Variants in ANKS1B observed in about 807,000 individuals in gnomAD.
ANKS1B encodes the protein ankyrin repeat and sterile alpha motif domain containing 1B, also known as ankyrin repeat and sterile alpha motif domain-containing protein 1B.
Under a neutral mutation model 148.3 loss-of-function variants are expected in ANKS1B, and 36 were observed. That is an observed-to-expected ratio of 0.24 (90% CI 0.19 to 0.32). The LOEUF is 0.32. ANKS1B is among the 10% of genes least tolerant of loss of function. The pLI is 1.00. For missense variants in ANKS1B, 1,157 were observed against 1,542.6 expected (o/e 0.75, Z 4.19); for synonymous variants, 542 against 560.8 (o/e 0.97, Z 0.47).
At chr12:99,104,194 G>C (rs1363670044) in intron 15 of ANKS1B, among the ~76,000 whole-genome samples, 2 of 152,164 alleles carry the variant, frequency 1.3e-5, no homozygotes, top group African/African-American at 4.8e-5. Context: ...CAATAGTGTA[G>C]ATGACAGATA....
At chr12:99,732,242 G>T (rs1047616104) in intron 8 of ANKS1B, among the ~76,000 whole-genome samples, 1 of 152,096 alleles carries the variant, frequency 6.6e-6, no homozygotes, top group African/African-American at 2.4e-5. Flanking sequence ...AAGCAGTTTG[G>T]CAATTTCTCC....
chr12:99,332,578 C>T (rs1337847274), intron 12 of ANKS1B, among the ~76,000 whole-genome samples: 1 of 151,410 alleles, frequency 6.6e-6, no homozygotes, highest in East Asian at 1.9e-4. Context: ...ATGCTAAAAA[C>T]GTGTACCTGG....
intron 24 of ANKS1B, among the ~76,000 whole-genome samples, chr12:98,778,317 A>C (rs924980718): frequency 1.3e-5 from 2 of 152,328 alleles, no homozygotes; most frequent in Admixed American, 6.5e-5. Flanking sequence ...CTCTACTAAA[A>C]ATACAAAAAT....
intron 9 of ANKS1B, among the ~76,000 whole-genome samples, chr12:99,509,898 G>T (rs2153024833): frequency 6.6e-6 from 1 of 152,084 alleles, no homozygotes; most frequent in African/African-American, 2.4e-5. Context: ...TGCAGTTGAT[G>T]ACTTTAAGTT....
intron 17 of ANKS1B, among the ~76,000 whole-genome samples, chr12:98,937,773 G>T (rs1409153630): frequency 3.9e-5 from 6 of 152,032 alleles, no homozygotes; most frequent in Admixed American, 3.9e-4. Flanking sequence ...TCTGAAACTG[G>T]GCAATTTATG....
At chr12:99,277,551 T>G (rs1023867288) in intron 12 of ANKS1B, among the ~76,000 whole-genome samples, 1 of 152,218 alleles carries the variant, frequency 6.6e-6, no homozygotes, top group South Asian at 2.1e-4. Flanking sequence ...ATGTTGAAGA[T>G]AGAACCAAAG....
At chr12:99,810,682 C>A (rs938686043) in intron 3 of ANKS1B, among the ~76,000 whole-genome samples, 2 of 151,878 alleles carry the variant, frequency 1.3e-5, no homozygotes, top group Non-Finnish European at 2.9e-5. Context: ...TTCAACATTA[C>A]CAAAAACAAG....
At chr12:99,431,182 A>G (rs1372086374) in intron 11 of ANKS1B, among the ~76,000 whole-genome samples, 1 of 152,238 alleles carries the variant, frequency 6.6e-6, no homozygotes, top group East Asian at 1.9e-4. Context: ...CCATTGATTT[A>G]AAACTTGTTC....
chr12:98,941,085 T>C (rs2099835961), intron 17 of ANKS1B, among the ~76,000 whole-genome samples: 1 of 152,230 alleles, frequency 6.6e-6, no homozygotes, highest in African/African-American at 2.4e-5. Flanking sequence ...GTTAGGCTCC[T>C]GCAAGCCTCT....
chr12:99,170,814 C>A (rs1426104629), intron 14 of ANKS1B, among the ~76,000 whole-genome samples: 1 of 152,158 alleles, frequency 6.6e-6, no homozygotes. Flanking sequence ...GCAGCCTGGT[C>A]TTTGCAATTT....
intron 9 of ANKS1B, among the ~76,000 whole-genome samples, chr12:99,651,582 C>G (rs1214261554): frequency 6.6e-6 from 1 of 152,114 alleles, no homozygotes; most frequent in East Asian, 1.9e-4. Flanking sequence ...TATTTTTTCT[C>G]TAAATCTTAA....
intron 17 of ANKS1B, among the ~76,000 whole-genome samples, chr12:98,895,801 G>A (rs1349868332): frequency 6.6e-6 from 1 of 152,126 alleles, no homozygotes; most frequent in African/African-American, 2.4e-5. Flanking sequence ...GTTTTTGTTT[G>A]TTTGTTTTTC....
intron 12 of ANKS1B, among the ~76,000 whole-genome samples, chr12:99,390,370 C>T (rs1012878024): frequency 2.0e-5 from 3 of 152,064 alleles, no homozygotes; most frequent in Admixed American, 6.5e-5. Flanking sequence ...AGTCAATAGA[C>T]TTAAAAATCA....
intron 22 of ANKS1B, among the ~76,000 whole-genome samples, chr12:98,796,006 G>T (rs139585968): frequency 1.0e-3 from 156 of 152,272 alleles, no homozygotes; most frequent in African/African-American, 3.1e-3. Context: ...ATTTTAGGAG[G>T]GCATGAGTAT....
intron 20 of ANKS1B, among the ~76,000 whole-genome samples, chr12:98,803,653 G>A (rs1308199760): frequency 1.3e-5 from 2 of 152,146 alleles, no homozygotes; most frequent in Admixed American, 6.5e-5. Context: ...AAAAAAGTCT[G>A]AACACGGCAT....
intron 17 of ANKS1B, among the ~76,000 whole-genome samples, chr12:99,032,984 T>C (rs1429153863): frequency 2.0e-5 from 3 of 152,256 alleles, no homozygotes; most frequent in African/African-American, 7.2e-5. Flanking sequence ...CTAGGCTTAG[T>C]ATAACTCAGG....
chr12:99,489,943 A>G (rs2096539846), intron 10 of ANKS1B, among the ~76,000 whole-genome samples: 1 of 152,222 alleles, frequency 6.6e-6, no homozygotes, highest in South Asian at 2.1e-4. Flanking sequence ...TATAAATAGA[A>G]TAGGTTCTCC....
In ANKS1B at chr12:98,759,336, T is replaced by C. The variant is rs113068293; in HGVS notation, c.3580-7814A>G. ...CCTGGTGCCAGTCCCATGCCTAGCC[T>C]ATAGACAATGTCCAGGAAGTGATCA... On this transcript the variant is annotated intron_variant, in intron 25 of 26. Coordinates refer to ENST00000683438, the MANE Select transcript of ANKS1B (RefSeq NM_001352186.2). Among the ~76,000 whole-genome samples the C allele has an allele frequency of 4.7e-3, 722 of 152,260 alleles. 8 individuals carry two copies. Among genetic ancestry groups the C allele is most frequent in the African/African-American group, 0.016 (656 of 41,554 alleles).
At chr12:99,942,516 C>G (rs553982402) in intron 1 of ANKS1B, among the ~76,000 whole-genome samples, 1 of 151,580 alleles carries the variant, frequency 6.6e-6, no homozygotes, top group African/African-American at 2.4e-5. Context: ...TGAGGGACAA[C>G]AGAAGGAAGA....
Sources: allele counts gnomAD v4.1 joint callset (sites outside exome capture counted in the v4.1 genomes callset), GRCh38; gene constraint gnomAD v4.1.1; transcripts MANE v1.5; gene names NCBI Gene and HGNC (gene_info 2026-07-23, HGNC 2026-07-21).